RAD51: variants seen among roughly 807,000 people sequenced by gnomAD.
The protein encoded by RAD51 is RAD51 recombinase, also known as DNA repair protein RAD51 homolog 1.
A neutral mutation model predicts 41.5 loss-of-function variants in RAD51; 14 were observed. That is an observed-to-expected ratio of 0.34 (90% CI 0.22 to 0.53). The LOEUF (loss-of-function observed/expected upper bound fraction) is 0.53, where lower values mean the gene tolerates loss of function less well. Among genes scored for constraint, RAD51 ranks in the 20% least tolerant of loss-of-function variants. The pLI, the probability that RAD51 is intolerant of heterozygous loss-of-function variation, is 0.95. For synonymous variants in RAD51, 136 were observed against 148.6 expected (o/e 0.92, Z 0.62); for missense variants, 234 against 422.0 (o/e 0.55, Z 3.90).
chr15:40,730,958 AAT>A, intron 9 of RAD51, 95 bp from the exon 10 acceptor site: 4 of 1,498,158 alleles, frequency 2.7e-6, no homozygotes, highest in Non-Finnish European at 2.8e-6. Context: ...TTCTAGGAAG[AAT>A]ATATGTCTAA....
At chr15:40,726,914 A>G (rs867015439) in intron 6 of RAD51, among the ~76,000 whole-genome samples, 6 of 137,150 alleles carry the variant, frequency 4.4e-5, no homozygotes, top group African/African-American at 2.0e-4. Context: ...CTCCGTCTCA[A>G]AAAAAAAAAA....
chr15:40,730,108 A>C, intron 9 of RAD51, 134 bp downstream of exon 9: 1 of 1,253,812 alleles, frequency 8.0e-7, no homozygotes, highest in South Asian at 1.3e-5. Flanking sequence ...TGCTAATCTA[A>C]TTAACATGCT....
intron 4 of RAD51, among the ~76,000 whole-genome samples, chr15:40,707,460 C>T (rs1895423507): frequency 6.6e-6 from 1 of 152,036 alleles, no homozygotes; most frequent in Non-Finnish European, 1.5e-5. Flanking sequence ...GCAAGTGCCA[C>T]CATGCCCAGC....
chr15:40,712,598 G>A (rs1895758530), intron 5 of RAD51, among the ~76,000 whole-genome samples: 1 of 152,110 alleles, frequency 6.6e-6, no homozygotes, highest in Admixed American at 6.6e-5. Context: ...CTGCATAAGT[G>A]GCCAGTCCAC....
chr15:40,701,272 TCTTC>T, intron 3 of RAD51, 71 bp downstream of exon 3: 1 of 1,526,376 alleles, frequency 6.6e-7, no homozygotes, highest in South Asian at 1.1e-5. Flanking sequence ...GTGAAAGACT[TCTTC>T]CTTCTATCTC....
intron 5 of RAD51, among the ~76,000 whole-genome samples, chr15:40,710,119 G>A (rs1895598319): frequency 6.6e-6 from 1 of 151,740 alleles, no homozygotes. Context: ...GCGGGTGCCT[G>A]TAGTCCCAGC....
intron 3 of RAD51, among the ~76,000 whole-genome samples, chr15:40,702,832 T>A (rs1354595751): frequency 2.0e-5 from 3 of 150,118 alleles, no homozygotes; most frequent in Admixed American, 6.6e-5. Context: ...TTTTTTTTTT[T>A]AAAGAAAAAA....
intron 5 of RAD51, 50 bp from the exon 6 acceptor site, chr15:40,718,755 T>TTG: frequency 6.9e-7 from 1 of 1,457,722 alleles, no homozygotes; most frequent in Non-Finnish European, 9.6e-7. Flanking sequence ...CTTGGTCAGC[T>TTG]GTATCAGAAA....
Position 40,728,761 on chromosome 15 carries a change from C to T in RAD51, c.581C>T (p.Ala194Val), listed in dbSNP as rs1896717991. ...DVLDNVAYAR[A>V]FNTDHQTQLL... Reference sequence around the variant, plus strand: ...CTGGATAATGTAGCATATGCTCGAGCGTTCAACACAGACCACCAGACCCAG... The same window carrying T: ...CTGGATAATGTAGCATATGCTCGAGTGTTCAACACAGACCACCAGACCCAG... Residue 194 changes from alanine (A) to valine (V), a missense_variant, in exon 7 of 10, where the codon GCG (alanine) becomes GTG (valine). By Grantham distance (64) the Ala-to-Val change is moderately conservative. This residue lies in a region of RAD51 where 134 missense variants were observed against 286.5 expected (regional missense o/e 0.47). Transcript: ENST00000267868. The T allele has an allele frequency of 6.2e-7, 1 of 1,614,032 alleles. No individual in the cohort carries two copies. Among genetic ancestry groups the T allele is most frequent in the Non-Finnish European group, 8.5e-7 (1 of 1,179,968 alleles).
intron 6 of RAD51, among the ~76,000 whole-genome samples, chr15:40,719,224 A>AT (rs1239083083): frequency 6.6e-6 from 1 of 151,592 alleles, no homozygotes; most frequent in Non-Finnish European, 1.5e-5. Flanking sequence ...CACCCAGCTA[A>AT]TTTTTTGTAT....
At chr15:40,697,263 G>A (rs1894700900) in intron 1 of RAD51, among the ~76,000 whole-genome samples, 1 of 152,058 alleles carries the variant, frequency 6.6e-6, no homozygotes, top group South Asian at 2.1e-4. Flanking sequence ...ACCACGCCCA[G>A]CTAATTTTGT....
rs57006094 is a variant in RAD51 at position 40,718,516 on chromosome 15, GAA to G, written c.436-276_436-275del. Among the ~76,000 whole-genome samples the G allele has an allele frequency of 2.3e-3, 314 of 138,154 alleles. 2 individuals carry two copies. Among genetic ancestry groups the G allele is most frequent in the African/African-American group, 5.6e-3 (209 of 37,546 alleles). The allele number at this position is 138,154 out of a possible 152,430, so 90.6% of individuals were successfully genotyped here. A position where few individuals can be genotyped will look rare whatever the true frequency, so the allele number is the denominator to read the frequency against. ...CTGGGCAACAGTGAGACTATCGCAA[GAA>G]AAAAAAAAAAAAGAAGAAAAGAATT... On this transcript the variant is annotated intron_variant, in intron 5 of 9. Transcript: ENST00000267868.
At chr15:40,709,905 G>C (rs535114355) in intron 5 of RAD51, among the ~76,000 whole-genome samples, 1 of 151,976 alleles carries the variant, frequency 6.6e-6, no homozygotes, top group Admixed American at 6.6e-5. Flanking sequence ...GCTCACGCCT[G>C]TAATCCCAGT....
intron 6 of RAD51, among the ~76,000 whole-genome samples, chr15:40,727,680 C>CT (rs145536540): frequency 1.5e-4 from 22 of 149,532 alleles, no homozygotes; most frequent in African/African-American, 2.7e-4. Flanking sequence ...CCTGTTACAT[C>CT]TTTTTTTTTT....
At chr15:40,708,310 C>T (rs11638204) in intron 4 of RAD51, among the ~76,000 whole-genome samples, 24,136 of 148,398 alleles carry the variant, frequency 0.16, 2,828 homozygotes, top group East Asian at 0.54. Context: ...CTTGCTGCAG[C>T]CTCCGCCTCC....
chr15:40,720,886 A>C (rs185374767), intron 6 of RAD51, among the ~76,000 whole-genome samples: 263 of 152,350 alleles, frequency 1.7e-3, no homozygotes, highest in Middle Eastern at 3.4e-3. Context: ...CAAGATTACT[A>C]AAATGGCATT....
At chr15:40,721,515 A>AT in intron 6 of RAD51, among the ~76,000 whole-genome samples, 1 of 152,150 alleles carries the variant, frequency 6.6e-6, no homozygotes, top group African/African-American at 2.4e-5. Context: ...AAAATTTAAA[A>AT]TTTTTTACAA....
intron 4 of RAD51, among the ~76,000 whole-genome samples, chr15:40,707,755 T>C (rs1426269183): frequency 6.6e-6 from 1 of 152,178 alleles, no homozygotes; most frequent in Non-Finnish European, 1.5e-5. Flanking sequence ...TCTTGCTCTG[T>C]TGCCCAGGCT....
intron 6 of RAD51, among the ~76,000 whole-genome samples, chr15:40,727,862 T>C (rs1019878674): frequency 8.4e-5 from 12 of 142,204 alleles, no homozygotes; most frequent in Middle Eastern, 3.6e-3. Flanking sequence ...AACATTCTCT[T>C]TTTTTTTTTT....
Sources: gnomAD v4.1 joint callset for allele counts (sites outside exome capture counted in the v4.1 genomes callset) on GRCh38, gnomAD v4.1.1 for gene constraint, gnomAD v4.1.1 regional missense constraint, MANE v1.5 for transcripts, NCBI Gene and HGNC (gene_info 2026-07-23, HGNC 2026-07-21) for gene names.